The following DCHS2 variants were observed in gnomAD, a reference collection of about 807,000 sequenced individuals.
DCHS2 encodes protocadherin-23.
Under a neutral mutation model 182.4 loss-of-function variants are expected in DCHS2, and 142 were observed. That is an observed-to-expected ratio of 0.78 (90% CI 0.68 to 0.89). The LOEUF (loss-of-function observed/expected upper bound fraction) is 0.89, where lower values mean the gene tolerates loss of function less well. Ranked by LOEUF, DCHS2 falls within the 40% of genes least tolerant of loss-of-function variation. The pLI, the probability that DCHS2 is intolerant of heterozygous loss-of-function variation, is 0.00. For missense variants in DCHS2, 4,319 were observed against 4,198.6 expected (o/e 1.03, Z -0.79); for synonymous variants, 1,740 against 1,663.3 (o/e 1.05, Z -1.12).
At chr4:154,476,849 A>G (rs906875481) in intron 1 of DCHS2, among the ~76,000 whole-genome samples, 1 of 152,174 alleles carries the variant, frequency 6.6e-6, no homozygotes, top group African/African-American at 2.4e-5. Flanking sequence ...TGCATAATGC[A>G]TATTATCTTT....
intron 1 of DCHS2, among the ~76,000 whole-genome samples, chr4:154,447,197 C>A (rs192192715): frequency 6.6e-6 from 1 of 152,198 alleles, no homozygotes; most frequent in Non-Finnish European, 1.5e-5. Context: ...GAGGCTGAGG[C>A]AGGAGAATTG....
Position 154,239,166 on chromosome 4 carries a change from T to C in DCHS2, c.7492+4A>G, listed in dbSNP as rs1481363769. ...GAGCATTAATGCAATTATAAATAAC[T>C]CACCATTCTTAGGATCAATGGAGAA... is the stretch of plus-strand genomic sequence containing the variant. On this transcript the variant is annotated splice_donor_region_variant and intron_variant, in intron 19 of 19. Transcript: ENST00000357232. The C allele has an allele frequency of 2.5e-6, 4 of 1,610,032 alleles. No homozygotes were observed. In the Admixed American group the frequency reaches 6.8e-5, roughly 27 times the overall value.
intron 1 of DCHS2, among the ~76,000 whole-genome samples, chr4:154,387,528 A>C (rs890172219): frequency 1.3e-5 from 2 of 152,058 alleles, no homozygotes; most frequent in African/African-American, 4.8e-5. Context: ...ACCTCAGACC[A>C]AAAGAGATTC....
At chr4:154,335,579 C>T (rs1221153855) in intron 3 of DCHS2, among the ~76,000 whole-genome samples, 1 of 152,174 alleles carries the variant, frequency 6.6e-6, no homozygotes, top group African/African-American at 2.4e-5. Context: ...GCTCTCCTGG[C>T]TCAGTTTGAT....
chr4:154,258,602 C>G (rs1315837410), intron 15 of DCHS2, among the ~76,000 whole-genome samples: 1 of 152,008 alleles, frequency 6.6e-6, no homozygotes, highest in Non-Finnish European at 1.5e-5. Flanking sequence ...GTCTCGAACT[C>G]CTGACCTCAG....
chr4:154,491,275 C>A lies in DCHS2; in HGVS notation c.81G>T (p.Gly27=). Residue 27 remains glycine, a synonymous_variant, in exon 1 of 20, where the codon GGG becomes GGT. Coordinates refer to ENST00000357232, the MANE Select transcript of DCHS2 (RefSeq NM_001358235.2). ...ACCGCCCATGGGGTGTATCTCTCCT[C>A]CCGGGGAGCAGAAGGAGCTTCCCGA... The part of the protein sequence containing the change: ...APVGKLLLLP[G]RRDTPHGRSG... 1 of 1,550,142 alleles carries A rather than the reference C, an allele frequency of 6.5e-7. No individual in the cohort carries two copies. Among genetic ancestry groups the A allele is most frequent in the Admixed American group, 2.0e-5 (1 of 50,940 alleles).
Position 154,486,125 on chromosome 4 carries a change from C to A in DCHS2, c.2052+3179G>T, listed in dbSNP as rs541507733. 4.6e-5 allele frequency among the ~76,000 whole-genome samples: 7 copies of A among 152,272 alleles called. No individual in the cohort carries two copies. In the East Asian group the frequency reaches 1.3e-3, roughly 29 times the overall value. On this transcript the variant is annotated intron_variant, in intron 1 of 19. Transcript: ENST00000357232. ...GGACTGAGTTATTAAGAAGTCCAGACGAGTGCCTACAATGTTGTAAAAACC... is the reference window on the plus strand; with the variant it reads ...GGACTGAGTTATTAAGAAGTCCAGAAGAGTGCCTACAATGTTGTAAAAACC...
chr4:154,435,540 G>A (rs1318355836), intron 1 of DCHS2, among the ~76,000 whole-genome samples: 2 of 151,306 alleles, frequency 1.3e-5, no homozygotes, highest in Non-Finnish European at 2.9e-5. Context: ...AGCTTGCAGT[G>A]AGCCCAGATT....
rs1208896218 is a variant in DCHS2, at chr4:154,259,735, G to A, written c.6599C>T (p.Pro2200Leu). ...TCTGACTTCAAAATCAAGAAACTTG[G>A]GTTCTTTCACAGTGAGTTGTCCTAT... is the stretch of plus-strand genomic sequence containing the variant. ...SKSGQLTVKE[P>L]KFLDFEVRNE... is the part of the protein sequence containing the mutation. The change falls in exon 15 of 20, where the codon CCC (proline) becomes CTC (leucine). Residue 2200 changes from proline to leucine, a missense_variant. Physicochemically the swap from Pro to Leu is moderately conservative, Grantham distance 98. Transcript: ENST00000357232. 2.2e-5 allele frequency: 35 copies of A among 1,613,430 alleles called. No homozygotes were observed. The highest frequency in any genetic ancestry group is 5.3e-5 in the African/African-American group (4 of 74,818).
chr4:154,380,524 C>A (rs1403289930), intron 1 of DCHS2, among the ~76,000 whole-genome samples: 1 of 152,124 alleles, frequency 6.6e-6, no homozygotes, highest in African/African-American at 2.4e-5. Context: ...ATACAATGAA[C>A]TTTTAAATTT....
chr4:154,287,236 C>T (rs1176479636), intron 13 of DCHS2, among the ~76,000 whole-genome samples: 3 of 152,106 alleles, frequency 2.0e-5, no homozygotes, highest in Non-Finnish European at 4.4e-5. Context: ...AAGAAAAGGA[C>T]ATTAATGAGT....
At chr4:154,376,760 T>C (rs1730919247) in intron 2 of DCHS2, among the ~76,000 whole-genome samples, 1 of 152,136 alleles carries the variant, frequency 6.6e-6, no homozygotes, top group African/African-American at 2.4e-5. Flanking sequence ...AAGAACACAG[T>C]AAATGAATCC....
chr4:154,456,542 C>G (rs1289899464), intron 1 of DCHS2, among the ~76,000 whole-genome samples: 1 of 152,174 alleles, frequency 6.6e-6, no homozygotes, highest in East Asian at 1.9e-4. Flanking sequence ...GAACGGTTCT[C>G]GGAAGTGAGA....
chr4:154,254,943 AAACTTAAACACTATTATTAT>A (rs1732577405), intron 16 of DCHS2, among the ~76,000 whole-genome samples: 1 of 152,228 alleles, frequency 6.6e-6, no homozygotes, highest in African/African-American at 2.4e-5. Context: ...AACACCAAGA[AAACTTAAACACTATTATTAT>A]TTCCTTTGTT....
intron 5 of DCHS2, chr4:154,331,436 G>T: frequency 1.3e-6 from 1 of 779,134 alleles, no homozygotes; most frequent in Non-Finnish European, 1.9e-6. Context: ...TAAAGTGCAA[G>T]CAGGGTCATC....
chr4:154,399,219 C>T (rs962826537), intron 1 of DCHS2, among the ~76,000 whole-genome samples: 1 of 152,166 alleles, frequency 6.6e-6, no homozygotes, highest in African/African-American at 2.4e-5. Flanking sequence ...GTATCATTCC[C>T]AGAACCTTTA....
chr4:154,412,475 A>T (rs1732671771), intron 1 of DCHS2, among the ~76,000 whole-genome samples: 1 of 152,212 alleles, frequency 6.6e-6, no homozygotes, highest in African/African-American at 2.4e-5. Context: ...GTGGAAGGAT[A>T]TCACTCTGGA....
chr4:154,479,992 C>T (rs1198251451), intron 1 of DCHS2, among the ~76,000 whole-genome samples: 1 of 152,156 alleles, frequency 6.6e-6, no homozygotes, highest in African/African-American at 2.4e-5. Flanking sequence ...ACAGAACAGC[C>T]TTTGTATTAT....
intron 1 of DCHS2, among the ~76,000 whole-genome samples, chr4:154,392,921 A>T (rs1297425418): frequency 6.6e-6 from 1 of 152,192 alleles, no homozygotes; most frequent in African/African-American, 2.4e-5. Flanking sequence ...TCATTGATGC[A>T]GCTTTAATAC....
Sources: gnomAD v4.1 joint callset for allele counts (sites outside exome capture counted in the v4.1 genomes callset) on GRCh38, gnomAD v4.1.1 for gene constraint, MANE v1.5 for transcripts, NCBI Gene and HGNC (gene_info 2026-07-23, HGNC 2026-07-21) for gene names.